CTNNA2: variants seen among roughly 807,000 people sequenced by gnomAD.
CTNNA2 encodes catenin alpha 2, also known as catenin alpha-2.
In CTNNA2, 42 loss-of-function variants were observed where a neutral mutation model predicts 101.0. That is an observed-to-expected ratio of 0.42 (90% CI 0.32 to 0.54). The LOEUF (loss-of-function observed/expected upper bound fraction) is 0.54. CTNNA2 is among the 20% of genes least tolerant of loss of function. CTNNA2 has a pLI of 0.14. For missense variants in CTNNA2, 871 were observed against 1,223.1 expected, an observed-to-expected ratio of 0.71 and a Z score of 4.29; for synonymous variants, 450 against 456.4, an observed-to-expected ratio of 0.99 and a Z score of 0.18.
chr2:80,414,743 A>G (rs1336973254), intron 8 of CTNNA2, among the ~76,000 whole-genome samples: 2 of 152,176 alleles, frequency 1.3e-5, no homozygotes, highest in Non-Finnish European at 2.9e-5. Context: ...AATTTTGCCT[A>G]TTTTGTGAAC....
intron 4 of CTNNA2, among the ~76,000 whole-genome samples, chr2:79,386,217 TC>T (rs1678104749): frequency 6.6e-6 from 1 of 152,204 alleles, no homozygotes; most frequent in Non-Finnish European, 1.5e-5. Flanking sequence ...TAGATTCTAC[TC>T]ATCTACAAAG....
chr2:80,454,800 A>G (rs1024156196), intron 9 of CTNNA2, among the ~76,000 whole-genome samples: 3 of 152,220 alleles, frequency 2.0e-5, no homozygotes, highest in African/African-American at 7.2e-5. Context: ...GCATTTGATC[A>G]TTGTCAGCCT....
intron 7 of CTNNA2, among the ~76,000 whole-genome samples, chr2:80,361,832 G>C (rs1011163177): frequency 2.0e-5 from 3 of 152,090 alleles, no homozygotes. Context: ...TGTTGTATAA[G>C]TACTAAACAA....
At chr2:80,164,719 T>C (rs751128755) in intron 7 of CTNNA2, among the ~76,000 whole-genome samples, 1 of 151,904 alleles carries the variant, frequency 6.6e-6, no homozygotes, top group Non-Finnish European at 1.5e-5. Context: ...GAGCCGTCTT[T>C]AGCCCTTCTT....
At chr2:79,319,345 T>G (rs530789491) in intron 3 of CTNNA2, among the ~76,000 whole-genome samples, 10 of 152,268 alleles carry the variant, frequency 6.6e-5, no homozygotes, top group African/African-American at 2.4e-4. Flanking sequence ...TGCCCATTCA[T>G]TCCATTGGCC....
chr2:80,252,102 C>T lies in CTNNA2; in HGVS notation c.1057-141109C>T, dbSNP rs189880216. Among the ~76,000 whole-genome samples, 15 of 152,266 alleles carry T rather than the reference C, an allele frequency of 9.9e-5. 1 individual carries two copies. Among genetic ancestry groups the T allele is most frequent in the Admixed American group, 9.8e-4 (15 of 15,278 alleles). On this transcript the variant is annotated intron_variant, in intron 7 of 18. Coordinates refer to ENST00000402739, the MANE Select transcript of CTNNA2 (RefSeq NM_001282597.3). ...TGTTGCTTAGACCTCTATTATAATA[C>T]TTAAAACATCCTATTAGATATTACG...
chr2:80,240,177 A>G (rs1349339564), intron 7 of CTNNA2, among the ~76,000 whole-genome samples: 1 of 152,166 alleles, frequency 6.6e-6, no homozygotes, highest in Non-Finnish European at 1.5e-5. Context: ...GGTTCATCCC[A>G]ATGGAAGGTA....
intron 3 of CTNNA2, among the ~76,000 whole-genome samples, chr2:79,362,459 AG>A (rs1448041348): frequency 1.3e-5 from 2 of 152,182 alleles, no homozygotes; most frequent in African/African-American, 4.8e-5. Context: ...GTCAAGTATT[AG>A]CAAAAGTGGA....
At chr2:79,322,440 A>T (rs1335833615) in intron 3 of CTNNA2, among the ~76,000 whole-genome samples, 1 of 152,228 alleles carries the variant, frequency 6.6e-6, no homozygotes, top group Non-Finnish European at 1.5e-5. Context: ...ATTTTTCCTG[A>T]ATACTTTCTC....
chr2:80,644,311 G>A (rs1310105990), intron 18 of CTNNA2, among the ~76,000 whole-genome samples: 2 of 152,146 alleles, frequency 1.3e-5, no homozygotes, highest in Non-Finnish European at 2.9e-5. Flanking sequence ...CGTCTAGTAA[G>A]TGCTCACTGA....
chr2:79,689,542 A>G (rs148853188), intron 2 of CTNNA2, among the ~76,000 whole-genome samples: 121 of 152,156 alleles, frequency 8.0e-4, no homozygotes, highest in African/African-American at 2.8e-3. Context: ...AACTTTCTGT[A>G]TGCTCTGCAG....
chr2:79,462,820 A>G (rs1357503519), intron 4 of CTNNA2, among the ~76,000 whole-genome samples: 1 of 152,222 alleles, frequency 6.6e-6, no homozygotes, highest in Non-Finnish European at 1.5e-5. Context: ...GAATACAGAC[A>G]GAAATACAGA....
At chr2:80,420,967 C>T (rs1218012922) in intron 9 of CTNNA2, among the ~76,000 whole-genome samples, 8 of 152,178 alleles carry the variant, frequency 5.3e-5, no homozygotes, top group Non-Finnish European at 1.2e-4. Context: ...TCTGTTCTCT[C>T]ATATCAGGCA....
At chr2:79,249,203 T>A (rs1674738164) in intron 2 of CTNNA2, among the ~76,000 whole-genome samples, 2 of 152,222 alleles carry the variant, frequency 1.3e-5, no homozygotes, top group African/African-American at 4.8e-5. Context: ...GACACATAGC[T>A]AATTTATGCC....
intron 7 of CTNNA2, among the ~76,000 whole-genome samples, chr2:79,991,866 T>A (rs1692206903): frequency 6.6e-6 from 1 of 152,182 alleles, no homozygotes; most frequent in Non-Finnish European, 1.5e-5. Flanking sequence ...TACGACTGTA[T>A]ATTTGCCAAT....
intron 15 of CTNNA2, 62 bp downstream of exon 15, chr2:80,589,547 T>C: frequency 6.7e-7 from 1 of 1,482,660 alleles, no homozygotes; most frequent in African/African-American, 1.4e-5. Context: ...TAGCAGTGTG[T>C]ATTAGCATGT....
chr2:79,514,583 T>A (rs1671708177), intron 1 of CTNNA2: 2 of 152,240 alleles, frequency 1.3e-5, no homozygotes. Context: ...ATTGGCAATT[T>A]GACAATTCTT....
intron 3 of CTNNA2, among the ~76,000 whole-genome samples, chr2:79,849,830 A>C (rs1210532586): frequency 6.6e-6 from 1 of 152,158 alleles, no homozygotes; most frequent in African/African-American, 2.4e-5. Context: ...CTGGGATTTC[A>C]TTTGTCTTTT....
chr2:79,206,013 A>G (rs1184735494), intron 2 of CTNNA2, among the ~76,000 whole-genome samples: 1 of 152,202 alleles, frequency 6.6e-6, no homozygotes, highest in African/African-American at 2.4e-5. Context: ...AAAACAGTCA[A>G]AAGTTTTAAA....
Sources: gnomAD v4.1 joint callset for allele counts (sites outside exome capture counted in the v4.1 genomes callset) on GRCh38, gnomAD v4.1.1 for gene constraint, MANE v1.5 for transcripts, NCBI Gene and HGNC (gene_info 2026-07-23, HGNC 2026-07-21) for gene names.